The following CLPB variants were observed in gnomAD, a reference collection of about 807,000 sequenced individuals.
CLPB encodes mitochondrial disaggregase.
Under a neutral mutation model 78.4 loss-of-function variants are expected in CLPB, and 40 were observed. The observed-to-expected ratio is 0.51, with a 90% CI of 0.40 to 0.66. The LOEUF is 0.66. Among genes scored for constraint, CLPB ranks in the 30% least tolerant of loss-of-function variants. CLPB has a pLI of 0.00. For missense variants in CLPB, 780 were observed against 886.9 expected (o/e 0.88, Z 1.53); for synonymous variants, 333 against 348.0 (o/e 0.96, Z 0.48).
In CLPB at chr11:72,293,115, G is replaced by C. The variant is rs1362385219; in HGVS notation, c.*252C>G. On this transcript the variant is annotated 3_prime_UTR_variant, in exon 16 of 16. Transcript: ENST00000538039. ...TCCATCCCTCCTTGCCTTGAAGGGG[G>C]TGGAAAGGCAGCTCCTCTCCTGAAG... The C allele has an allele frequency of 6.6e-6, 3 of 452,640 alleles. No individual in the cohort carries two copies. The highest frequency in any genetic ancestry group is 5.8e-5 in the African/African-American group (3 of 51,476). 28.0% of individuals were successfully genotyped at this position (452,640 alleles called of 1,614,324 possible). A position where few individuals can be genotyped will look rare whatever the true frequency, so the allele number is the denominator to read the frequency against.
intron 4 of CLPB, among the ~76,000 whole-genome samples, chr11:72,368,387 C>T (rs1263118143): frequency 6.6e-6 from 1 of 152,202 alleles, no homozygotes; most frequent in South Asian, 2.1e-4. Flanking sequence ...AAGAAACTGA[C>T]ACTTAGAGAA....
intron 4 of CLPB, among the ~76,000 whole-genome samples, chr11:72,373,960 C>CAAA (rs35682727): frequency 0.01 from 809 of 80,508 alleles, 18 homozygotes; most frequent in African/African-American, 0.036. Context: ...AACTCTGTCT[C>CAAA]AAAAAAAAAA....
At chr11:72,400,293 G>T (rs1315882586) in intron 3 of CLPB, among the ~76,000 whole-genome samples, 2 of 152,144 alleles carry the variant, frequency 1.3e-5, no homozygotes, top group African/African-American at 4.8e-5. Context: ...GTAAAAATCT[G>T]TCCTCCCTGG....
intron 5 of CLPB, among the ~76,000 whole-genome samples, chr11:72,330,080 GCA>G (rs1419401176): frequency 6.6e-6 from 1 of 152,132 alleles, no homozygotes; most frequent in Admixed American, 6.5e-5. Context: ...ATATACCGCA[GCA>G]CAAATACATG....
intron 3 of CLPB, among the ~76,000 whole-genome samples, chr11:72,391,940 A>G (rs192053024): frequency 9.2e-5 from 14 of 152,148 alleles, no homozygotes; most frequent in African/African-American, 3.4e-4. Flanking sequence ...GTCACAATAA[A>G]TGGGAGGGCA....
intron 4 of CLPB, among the ~76,000 whole-genome samples, chr11:72,374,164 C>A (rs1401980662): frequency 6.6e-6 from 1 of 152,002 alleles, no homozygotes; most frequent in Non-Finnish European, 1.5e-5. Flanking sequence ...TCAATACCTC[C>A]TAGGCAGGCT....
At chr11:72,329,118 A>G (rs543920595) in intron 6 of CLPB, among the ~76,000 whole-genome samples, 1 of 152,352 alleles carries the variant, frequency 6.6e-6, no homozygotes, top group Admixed American at 6.5e-5. Context: ...CCTGAGTTAC[A>G]GCTCTGTGGC....
intron 5 of CLPB, among the ~76,000 whole-genome samples, chr11:72,339,503 A>G (rs1417145449): frequency 6.6e-6 from 1 of 152,234 alleles, no homozygotes; most frequent in East Asian, 1.9e-4. Flanking sequence ...CAGCCTCAAG[A>G]GCAACTGAGT....
At chr11:72,405,757 T>C (rs1173215877) in intron 2 of CLPB, among the ~76,000 whole-genome samples, 2 of 151,900 alleles carry the variant, frequency 1.3e-5, no homozygotes, top group East Asian at 1.9e-4. Context: ...TGAAACCGCA[T>C]CTCTACTAAA....
intron 6 of CLPB, among the ~76,000 whole-genome samples, chr11:72,327,176 G>A (rs1950147202): frequency 6.6e-6 from 1 of 152,186 alleles, no homozygotes; most frequent in Non-Finnish European, 1.5e-5. Context: ...TGTGTTAGGG[G>A]CTCTTCCCTG....
In CLPB at chr11:72,287,446, T is replaced by C. The variant is rs113994903; in HGVS notation, c.*5921A>G. 2,473 of 152,310 alleles carry C rather than the reference T, an allele frequency of 0.016. 64 individuals are homozygous for C. Among genetic ancestry groups the C allele is most frequent in the African/African-American group, 0.057 (2,383 of 41,548 alleles). 9.4% of individuals were successfully genotyped at this position (152,310 alleles called of 1,614,324 possible). On this transcript the variant is annotated 3_prime_UTR_variant, in exon 16 of 16. Transcript: ENST00000538039. ...CCCACCTCAGCCTCCCAAGTAGCTG[T>C]TGACTACAGGCAAGCACCATCATGC... is the stretch of plus-strand genomic sequence containing the variant.
intron 4 of CLPB, among the ~76,000 whole-genome samples, chr11:72,371,935 T>C (rs1426685154): frequency 6.6e-6 from 1 of 152,258 alleles, no homozygotes; most frequent in Non-Finnish European, 1.5e-5. Context: ...ATTGTTTTGG[T>C]AATGTCTTAC....
intron 3 of CLPB, among the ~76,000 whole-genome samples, chr11:72,391,031 T>C (rs1179345468): frequency 6.6e-6 from 1 of 152,202 alleles, no homozygotes; most frequent in Non-Finnish European, 1.5e-5. Flanking sequence ...ATGATTTTTT[T>C]CAAAAAGTGT....
chr11:72,360,561 C>T (rs1297293740), intron 4 of CLPB, among the ~76,000 whole-genome samples: 3 of 152,104 alleles, frequency 2.0e-5, no homozygotes, highest in East Asian at 1.9e-4. Context: ...CTTAGCCTCC[C>T]GAGTAGCTGG....
At position 72,402,977 on chromosome 11, in the gene CLPB, G is replaced by C. The variant is rs771786059; in HGVS notation, c.531C>G (p.Asn177Lys). 1 of 1,613,892 alleles carries C rather than the reference G, an allele frequency of 6.2e-7. No homozygotes were observed. The highest frequency in any genetic ancestry group is 2.2e-5 in the East Asian group (1 of 44,878). The change falls in exon 3 of 16, where the codon AAC (asparagine) becomes AAG (lysine). Residue 177 changes from asparagine to lysine, a missense_variant. Coordinates refer to ENST00000538039, the MANE Select transcript of CLPB (RefSeq NM_001258392.3). ...AGGTGGTCTCTCACCTGTTGTTTCG[G>C]TTGATGGCTGCCACCATGAGTGCTG... is the stretch of plus-strand genomic sequence containing the variant. ...GWTALMVAAI[N>K]RNNSVVQVLL... is the part of the protein sequence containing the mutation.
intron 2 of CLPB, among the ~76,000 whole-genome samples, chr11:72,428,539 G>A (rs1178137714): frequency 6.6e-6 from 1 of 152,216 alleles, no homozygotes; most frequent in East Asian, 1.9e-4. Context: ...GCCAGCATCT[G>A]CTTCCCGCCT....
rs1361664023 is a variant in CLPB, at chr11:72,290,766, A to G, written c.*2601T>C. ...CAAGACCAGCCTGGCCAACATGGCG[A>G]AAACCTGTCTCTACTAAAAATACAA... On this transcript the variant is annotated 3_prime_UTR_variant, in exon 16 of 16. Transcript: ENST00000538039. The G allele has an allele frequency of 6.6e-6, 1 of 152,158 alleles. No homozygotes were observed. The highest frequency in any genetic ancestry group is 1.5e-5 in the Non-Finnish European group (1 of 68,052). 9.4% of individuals were successfully genotyped at this position (152,158 alleles called of 1,614,324 possible). A position where few individuals can be genotyped will look rare whatever the true frequency, so the allele number is the denominator to read the frequency against.
intron 5 of CLPB, among the ~76,000 whole-genome samples, chr11:72,342,768 T>C (rs1050276956): frequency 6.6e-6 from 1 of 152,200 alleles, no homozygotes; most frequent in Non-Finnish European, 1.5e-5. Context: ...TTAGCAGTCA[T>C]AATTACACTG....
At chr11:72,316,473 C>T (rs1404454193) in intron 7 of CLPB, among the ~76,000 whole-genome samples, 1 of 152,162 alleles carries the variant, frequency 6.6e-6, no homozygotes, top group Admixed American at 6.5e-5. Flanking sequence ...TCAGCAGAAC[C>T]TTAGTTTTAA....
Sources: gnomAD v4.1 joint callset for allele counts (sites outside exome capture counted in the v4.1 genomes callset) on GRCh38, gnomAD v4.1.1 for gene constraint, MANE v1.5 for transcripts, NCBI Gene and HGNC (gene_info 2026-07-23, HGNC 2026-07-21) for gene names.